The following FMNL2 variants were observed in gnomAD, a reference collection of about 807,000 sequenced individuals.
The protein encoded by FMNL2 is formin like 2.
Under a neutral mutation model 130.2 loss-of-function variants are expected in FMNL2, and 51 were observed. The ratio of observed to expected loss-of-function variants is 0.39; its 90% CI spans 0.31 to 0.49. The LOEUF is 0.49. Among genes scored for constraint, FMNL2 ranks in the 20% least tolerant of loss-of-function variants. The pLI is 0.85. For missense variants in FMNL2, 977 were observed against 1,316.2 expected, an observed-to-expected ratio of 0.74 and a Z score of 3.99; for synonymous variants, 465 against 467.1, an observed-to-expected ratio of 1.00 and a Z score of 0.06.
chr2:152,510,033 G>A (rs1351172224), intron 1 of FMNL2, among the ~76,000 whole-genome samples: 3 of 152,144 alleles, frequency 2.0e-5, no homozygotes, highest in Non-Finnish European at 2.9e-5. Flanking sequence ...ATAGGCATGA[G>A]CCATGATGCT....
intron 9 of FMNL2, among the ~76,000 whole-genome samples, chr2:152,601,303 C>CT (rs10567754): frequency 0.55 from 73,890 of 134,518 alleles, 22,798 homozygotes; most frequent in Non-Finnish European, 0.7. Flanking sequence ...TTTCTTTTTT[C>CT]TTTTTTTTTT....
chr2:152,459,366 A>G (rs550489309), intron 1 of FMNL2, among the ~76,000 whole-genome samples: 295 of 152,316 alleles, frequency 1.9e-3, no homozygotes, highest in Admixed American at 3.7e-3. Flanking sequence ...TAAGACTGCA[A>G]TGGAGCCTTT....
intron 1 of FMNL2, among the ~76,000 whole-genome samples, chr2:152,377,655 C>G (rs1684246497): frequency 6.6e-6 from 1 of 152,120 alleles, no homozygotes; most frequent in African/African-American, 2.4e-5. Flanking sequence ...TACAGTACTG[C>G]TCTATGGAAT....
intron 25 of FMNL2, chr2:152,645,428 G>T: frequency 7.8e-7 from 1 of 1,281,704 alleles, no homozygotes; most frequent in Non-Finnish European, 1.0e-6. Flanking sequence ...GTTTTTTTCT[G>T]TTTAGCCTTA....
At chr2:152,422,566 C>G (rs1227001367) in intron 1 of FMNL2, among the ~76,000 whole-genome samples, 3 of 151,542 alleles carry the variant, frequency 2.0e-5, no homozygotes, top group Non-Finnish European at 2.9e-5. Flanking sequence ...GCACTGTCAC[C>G]CAAGCTGAAG....
intron 1 of FMNL2, among the ~76,000 whole-genome samples, chr2:152,510,884 G>T (rs1692464685): frequency 6.6e-6 from 1 of 152,230 alleles, no homozygotes; most frequent in Non-Finnish European, 1.5e-5. Context: ...ATAAACACGT[G>T]TTGTGGTGAA....
chr2:152,338,018 CTT>C (rs1160368376), intron 1 of FMNL2, among the ~76,000 whole-genome samples: 1 of 141,568 alleles, frequency 7.1e-6, no homozygotes, highest in Admixed American at 7.1e-5. Flanking sequence ...GGTGATTTCT[CTT>C]GTTTTTTTTT....
At chr2:152,632,758 A>T (rs989863165) in intron 21 of FMNL2, among the ~76,000 whole-genome samples, 2 of 152,306 alleles carry the variant, frequency 1.3e-5, no homozygotes, top group South Asian at 2.1e-4. Context: ...ACCTGGTCTT[A>T]CTTCTCATGA....
At chr2:152,464,035 C>G (rs896018957) in intron 1 of FMNL2, among the ~76,000 whole-genome samples, 6 of 152,142 alleles carry the variant, frequency 3.9e-5, no homozygotes, top group Admixed American at 2.6e-4. Flanking sequence ...CAGGTTCAAG[C>G]GATTCTCCTG....
At chr2:152,375,850 G>GCTCT (rs71394477) in intron 1 of FMNL2, among the ~76,000 whole-genome samples, 41,789 of 99,992 alleles carry the variant, frequency 0.42, 9,844 homozygotes, top group Non-Finnish European at 0.53. Context: ...AGCCATTGAA[G>GCTCT]CTCTCTCTCT....
At chr2:152,370,648 G>A (rs565526294) in intron 1 of FMNL2, among the ~76,000 whole-genome samples, 94 of 152,292 alleles carry the variant, frequency 6.2e-4, no homozygotes, top group Admixed American at 1.4e-3. Flanking sequence ...TTGCAGAGAA[G>A]AGTTGATCAA....
At chr2:152,459,082 A>G (rs1315681932) in intron 1 of FMNL2, among the ~76,000 whole-genome samples, 1 of 152,068 alleles carries the variant, frequency 6.6e-6, no homozygotes, top group African/African-American at 2.4e-5. Flanking sequence ...AAACCTCTAG[A>G]TTTTTTTTGT....
At chr2:152,455,051 A>G (rs1311222070) in intron 1 of FMNL2, among the ~76,000 whole-genome samples, 1 of 152,196 alleles carries the variant, frequency 6.6e-6, no homozygotes, top group East Asian at 1.9e-4. Context: ...TATGCCACAC[A>G]GAAGTCCTGG....
intron 1 of FMNL2, among the ~76,000 whole-genome samples, chr2:152,490,685 C>T (rs1195872574): frequency 6.7e-6 from 1 of 148,594 alleles, no homozygotes; most frequent in Non-Finnish European, 1.5e-5. Flanking sequence ...TGGTCAGCCT[C>T]ACCTTCCACA....
chr2:152,637,075 G>T (rs1348848230), intron 22 of FMNL2, among the ~76,000 whole-genome samples: 2 of 152,220 alleles, frequency 1.3e-5, no homozygotes, highest in South Asian at 4.1e-4. Flanking sequence ...TTCAGTGGAA[G>T]GGCCTCTGGT....
chr2:152,415,495 T>TA (rs1686561545), intron 1 of FMNL2, among the ~76,000 whole-genome samples: 1 of 152,338 alleles, frequency 6.6e-6, no homozygotes, highest in Admixed American at 6.5e-5. Flanking sequence ...ACTCTACAGA[T>TA]ATGATTTGTG....
At chr2:152,540,036 G>A (rs1030832286) in intron 2 of FMNL2, among the ~76,000 whole-genome samples, 2 of 152,234 alleles carry the variant, frequency 1.3e-5, no homozygotes, top group African/African-American at 4.8e-5. Flanking sequence ...GCTGCAGTGA[G>A]CTGTGATTGT....
At position 152,649,590 on chromosome 2, in the gene FMNL2, A is replaced by C. The variant is rs2106006303; in HGVS notation, c.*1685A>C. Reference sequence around the variant, plus strand: ...TCGATTAAAAATAGCAATTTGACCAAGTTGGACTTCCACTACAAAGCAGCT... The same window carrying C: ...TCGATTAAAAATAGCAATTTGACCACGTTGGACTTCCACTACAAAGCAGCT... On this transcript the variant is annotated 3_prime_UTR_variant, in exon 26 of 26. Transcript: ENST00000288670. 1.3e-5 allele frequency: 2 copies of C among 152,760 alleles called. No individual in the cohort carries two copies. The highest frequency in any genetic ancestry group is 3.9e-4 in the East Asian group (2 of 5,188). The allele number at this position is 152,760 out of a possible 1,614,324, so 9.5% of individuals were successfully genotyped here.
intron 1 of FMNL2, among the ~76,000 whole-genome samples, chr2:152,398,031 G>T (rs1685494779): frequency 6.6e-6 from 1 of 152,198 alleles, no homozygotes; most frequent in Non-Finnish European, 1.5e-5. Context: ...GCTGAGGCGG[G>T]AGAATTGCTT....
Sources: allele counts gnomAD v4.1 joint callset (sites outside exome capture counted in the v4.1 genomes callset), GRCh38; gene constraint gnomAD v4.1.1; transcripts MANE v1.5; gene names NCBI Gene and HGNC (gene_info 2026-07-23, HGNC 2026-07-21).